DNAH14: variants seen among roughly 807,000 people sequenced by gnomAD.
DNAH14 encodes the protein dynein axonemal heavy chain 14.
A neutral mutation model predicts 520.9 loss-of-function variants in DNAH14; 478 were observed. The observed-to-expected ratio is 0.92, with a 90% CI of 0.85 to 0.99. The LOEUF (loss-of-function observed/expected upper bound fraction) is 0.99, where lower values mean the gene tolerates loss of function less well. Ranked by LOEUF, DNAH14 falls within the 50% of genes least tolerant of loss-of-function variation. The pLI is 0.00. For synonymous variants in DNAH14, 1,581 were observed against 1,757.2 expected (o/e 0.90, Z 2.51); for missense variants, 4,831 against 5,234.5 (o/e 0.92, Z 2.38).
intron 26 of DNAH14, among the ~76,000 whole-genome samples, chr1:225,122,475 A>G (rs2077376658): frequency 6.6e-6 from 1 of 152,144 alleles, no homozygotes; most frequent in Non-Finnish European, 1.5e-5. Flanking sequence ...TAAGTATTCC[A>G]TATACTTATA....
At chr1:225,078,865 T>TCC (rs1558884259) in intron 17 of DNAH14, among the ~76,000 whole-genome samples, 2 of 47,472 alleles carry the variant, frequency 4.2e-5, no homozygotes, top group African/African-American at 1.1e-4. Context: ...TCTCCCTCTC[T>TCC]CTCTCTCTCT....
intron 3 of DNAH14, among the ~76,000 whole-genome samples, chr1:224,959,704 A>G (rs1417766413): frequency 6.6e-6 from 1 of 152,116 alleles, no homozygotes; most frequent in Non-Finnish European, 1.5e-5. Context: ...AATTACAGTT[A>G]ATAAACAGGG....
chr1:225,043,825 G>T (rs922886146), intron 14 of DNAH14, 36 bp downstream of exon 14: 1 of 1,457,132 alleles, frequency 6.9e-7, no homozygotes, highest in Non-Finnish European at 9.4e-7. Context: ...ACGAGTAATT[G>T]TATTTTATAT....
chr1:225,364,549 A>AT (rs1444272549), intron 75 of DNAH14, among the ~76,000 whole-genome samples: 12 of 152,004 alleles, frequency 7.9e-5, no homozygotes, highest in African/African-American at 2.7e-4. Context: ...TTATTTCCAG[A>AT]TTTTTTGCAA....
chr1:225,209,055 CT>C (rs1286891602), intron 41 of DNAH14, among the ~76,000 whole-genome samples: 2 of 152,148 alleles, frequency 1.3e-5, no homozygotes, highest in African/African-American at 4.8e-5. Context: ...AAATTCCTGA[CT>C]GATAATTTCA....
chr1:224,946,892 G>T (rs1436689954), intron 1 of DNAH14, among the ~76,000 whole-genome samples: 37 of 89,410 alleles, frequency 4.1e-4, no homozygotes, highest in Admixed American at 5.6e-4. Context: ...TATGTTACTT[G>T]TTGTATATCA....
chr1:225,002,353 G>A (rs1412050586), intron 8 of DNAH14, among the ~76,000 whole-genome samples: 1 of 152,100 alleles, frequency 6.6e-6, no homozygotes, highest in Non-Finnish European at 1.5e-5. Flanking sequence ...TAGGTAGTTG[G>A]AGATTTTAAG....
intron 23 of DNAH14, among the ~76,000 whole-genome samples, chr1:225,102,075 G>A (rs1384779145): frequency 7.9e-6 from 1 of 127,108 alleles, no homozygotes; most frequent in African/African-American, 3.1e-5. Context: ...GGTGTATGAT[G>A]TTCCCCTTCC....
intron 43 of DNAH14, among the ~76,000 whole-genome samples, chr1:225,250,039 A>G (rs1251371929): frequency 6.6e-6 from 1 of 152,242 alleles, no homozygotes; most frequent in African/African-American, 2.4e-5. Flanking sequence ...TTTATGCATT[A>G]TATGCAAGTC....
intron 17 of DNAH14, among the ~76,000 whole-genome samples, chr1:225,075,888 T>C (rs2072207493): frequency 6.6e-6 from 1 of 152,132 alleles, no homozygotes; most frequent in African/African-American, 2.4e-5. Context: ...TGGCTTTGTC[T>C]GGGAAAGCCC....
rs183384513 is a variant in DNAH14, at chr1:225,281,433, G to A, written c.8271+3931G>A. ...GACTGGGCCCAGCCAGATAATCTAG[G>A]ATGATCTCACCATTTTAAGGTCTTT... On this transcript the variant is annotated intron_variant, in intron 54 of 85. Coordinates refer to ENST00000682510, the MANE Select transcript of DNAH14 (RefSeq NM_001367479.1). Among the ~76,000 whole-genome samples the A allele has an allele frequency of 2.5e-4, 38 of 152,216 alleles. 1 individual carries two copies. The East Asian group carries it at 7.2e-3, about 29-fold the overall frequency.
chr1:225,330,595 C>T (rs1468618761), intron 64 of DNAH14, among the ~76,000 whole-genome samples: 4 of 151,654 alleles, frequency 2.6e-5, no homozygotes, highest in African/African-American at 7.3e-5. Flanking sequence ...TTTGTGGGAT[C>T]GAAAAATCAA....
intron 41 of DNAH14, among the ~76,000 whole-genome samples, chr1:225,225,444 A>G (rs1454529835): frequency 6.6e-6 from 1 of 152,150 alleles, no homozygotes; most frequent in Non-Finnish European, 1.5e-5. Context: ...TGTCCAGCTT[A>G]TGCCAGCTCA....
In DNAH14 at chr1:225,069,789, G is replaced by T. The variant is rs547658422; in HGVS notation, c.2425-9418G>T. Among the ~76,000 whole-genome samples, 73 of 152,290 alleles carry T rather than the reference G, an allele frequency of 4.8e-4. 2 individuals are homozygous for T. The highest frequency in any genetic ancestry group is 1.7e-3 in the African/African-American group (71 of 41,554). On this transcript the variant is annotated intron_variant, in intron 17 of 85. Coordinates refer to ENST00000682510, the MANE Select transcript of DNAH14 (RefSeq NM_001367479.1). ...ATTAGTTTCAGCAGGAATGGTACCA[G>T]CCCTTCTTTGTTCATCTGGTAGAAT...
chr1:225,347,230 C>T (rs1354587216), intron 71 of DNAH14, among the ~76,000 whole-genome samples: 1 of 152,090 alleles, frequency 6.6e-6, no homozygotes, highest in Non-Finnish European at 1.5e-5. Flanking sequence ...GCTATAGGCT[C>T]CCTTCCTTCA....
At chr1:225,093,295 A>C (rs563882796) in intron 21 of DNAH14, among the ~76,000 whole-genome samples, 26 of 152,264 alleles carry the variant, frequency 1.7e-4, no homozygotes, top group African/African-American at 6.3e-4. Context: ...CTGATGAAGC[A>C]GACTTTATCC....
At chr1:225,258,149 T>G in intron 45 of DNAH14, 31 bp downstream of exon 45, 1 of 1,444,346 alleles carries the variant, frequency 6.9e-7, no homozygotes, top group Non-Finnish European at 9.1e-7. Context: ...AAGGAGAATT[T>G]CAGAGTTAGA....
Position 225,305,035 on chromosome 1 carries a change from T to TG in DNAH14, c.8953dup (p.Glu2985GlyfsTer71). The TG allele has an allele frequency of 6.5e-7, 1 of 1,544,798 alleles. No homozygotes were observed. Among genetic ancestry groups the TG allele is most frequent in the Non-Finnish European group, 8.7e-7 (1 of 1,145,564 alleles). Reference sequence around the variant, plus strand: ...ACTCCCAATAGCTACTTGCAATTTATGGAAACATTTGCACACATTTTGAGG... The same window carrying TG: ...ACTCCCAATAGCTACTTGCAATTTATGGGAAACATTTGCACACATTTTGAGG... On this transcript the variant is annotated frameshift_variant, in exon 58 of 86. Coordinates refer to ENST00000682510, the MANE Select transcript of DNAH14 (RefSeq NM_001367479.1). LOFTEE classifies it high-confidence loss of function.
intron 23 of DNAH14, among the ~76,000 whole-genome samples, chr1:225,107,816 C>G (rs1181372386): frequency 6.6e-6 from 1 of 152,076 alleles, no homozygotes; most frequent in Non-Finnish European, 1.5e-5. Context: ...TATTGCCTGT[C>G]TTTTGGAAAA....
Sources: gnomAD v4.1 joint callset for allele counts (sites outside exome capture counted in the v4.1 genomes callset) on GRCh38, gnomAD v4.1.1 for gene constraint, MANE v1.5 for transcripts, NCBI Gene and HGNC (gene_info 2026-07-23, HGNC 2026-07-21) for gene names.